The following ARHGAP10 variants were observed in gnomAD, a reference collection of about 807,000 sequenced individuals.
The protein encoded by ARHGAP10 is Rho GTPase activating protein 10, also known as rho GTPase-activating protein 10.
A neutral mutation model predicts 108.6 loss-of-function variants in ARHGAP10; 87 were observed. The observed-to-expected ratio is 0.80, with a 90% CI of 0.67 to 0.96. The LOEUF is 0.96. Ranked by LOEUF, ARHGAP10 falls within the 40% of genes least tolerant of loss-of-function variation. The pLI is 0.00. For synonymous variants in ARHGAP10, 347 were observed against 341.1 expected (o/e 1.02, Z -0.19); for missense variants, 939 against 954.5 (o/e 0.98, Z 0.21).
chr4:147,757,726 T>A (rs1729438570), intron 1 of ARHGAP10, among the ~76,000 whole-genome samples: 2 of 152,230 alleles, frequency 1.3e-5, no homozygotes. Context: ...ACTTAACCTG[T>A]TCTTCAGTCA....
intron 18 of ARHGAP10, among the ~76,000 whole-genome samples, chr4:148,016,692 T>TCC (rs1317199643): frequency 6.6e-6 from 1 of 152,118 alleles, no homozygotes. Context: ...ACCGTCTACC[T>TCC]GGAGGTAGTG....
intron 11 of ARHGAP10, among the ~76,000 whole-genome samples, chr4:147,907,479 T>G (rs1158771014): frequency 1.3e-5 from 2 of 152,152 alleles, no homozygotes; most frequent in Non-Finnish European, 2.9e-5. Flanking sequence ...CTGGAAAGCA[T>G]TTGCCAGTTC....
intron 1 of ARHGAP10, among the ~76,000 whole-genome samples, chr4:147,816,952 T>G (rs1004048431): frequency 1.3e-5 from 2 of 152,196 alleles, no homozygotes; most frequent in Non-Finnish European, 2.9e-5. Context: ...CGTGTTTTGA[T>G]GTGCAGAGTC....
intron 10 of ARHGAP10, among the ~76,000 whole-genome samples, chr4:147,887,927 C>T (rs1180144845): frequency 6.6e-6 from 1 of 151,662 alleles, no homozygotes; most frequent in East Asian, 1.9e-4. Context: ...CTACTGAGGC[C>T]TTTGCCCTTT....
chr4:147,966,884 G>T (rs139847871), intron 18 of ARHGAP10, 45 bp downstream of exon 18: 1 of 1,470,958 alleles, frequency 6.8e-7, no homozygotes, highest in African/African-American at 1.4e-5. Flanking sequence ...TCGGCTTGTC[G>T]CCATGTACTA....
intron 1 of ARHGAP10, among the ~76,000 whole-genome samples, chr4:147,770,421 A>C (rs1241382816): frequency 1.3e-5 from 2 of 152,150 alleles, no homozygotes; most frequent in Non-Finnish European, 2.9e-5. Flanking sequence ...GCTACTTGGG[A>C]GGCTGAGGCA....
intron 15 of ARHGAP10, among the ~76,000 whole-genome samples, chr4:147,952,826 C>T (rs1347054325): frequency 6.6e-6 from 1 of 151,934 alleles, no homozygotes; most frequent in Non-Finnish European, 1.5e-5. Flanking sequence ...AACCTTTGCA[C>T]TTATTCAGGG....
intron 19 of ARHGAP10, among the ~76,000 whole-genome samples, chr4:148,028,768 G>T (rs1256532584): frequency 6.6e-6 from 1 of 152,194 alleles, no homozygotes; most frequent in Non-Finnish European, 1.5e-5. Flanking sequence ...GTTGAAGTGG[G>T]CTTGAATTAG....
At chr4:147,795,126 A>G (rs192732545) in intron 1 of ARHGAP10, among the ~76,000 whole-genome samples, 2 of 152,232 alleles carry the variant, frequency 1.3e-5, no homozygotes, top group East Asian at 1.9e-4. Context: ...TGTGTCACCT[A>G]CGCTGGAGTG....
chr4:147,942,105 G>C (rs181550752), intron 14 of ARHGAP10, among the ~76,000 whole-genome samples: 2 of 152,290 alleles, frequency 1.3e-5, no homozygotes, highest in Admixed American at 6.5e-5. Context: ...GGAAAAAATT[G>C]TGTGGGTCTG....
chr4:147,989,483 A>T (rs1188304965), intron 18 of ARHGAP10, among the ~76,000 whole-genome samples: 1 of 152,130 alleles, frequency 6.6e-6, no homozygotes, highest in African/African-American at 2.4e-5. Context: ...TCTTGACCAT[A>T]AGAGACAGGT....
At chr4:147,822,005 C>G (rs1016370616) in intron 1 of ARHGAP10, among the ~76,000 whole-genome samples, 4 of 152,172 alleles carry the variant, frequency 2.6e-5, no homozygotes, top group Non-Finnish European at 4.4e-5. Context: ...CTTTATATAT[C>G]TCTTGAGAAT....
chr4:147,934,258 G>A (rs953164614), intron 13 of ARHGAP10, among the ~76,000 whole-genome samples: 2 of 152,240 alleles, frequency 1.3e-5, no homozygotes, highest in Non-Finnish European at 2.9e-5. Flanking sequence ...CCATTGTCAA[G>A]CTTGAATCTA....
chr4:148,001,219 G>A (rs1335817509), intron 18 of ARHGAP10, among the ~76,000 whole-genome samples: 3 of 152,148 alleles, frequency 2.0e-5, no homozygotes, highest in Non-Finnish European at 4.4e-5. Context: ...AAGATCATAC[G>A]GTTGTAGATG....
chr4:147,769,648 C>A (rs546356985), intron 1 of ARHGAP10, among the ~76,000 whole-genome samples: 7 of 152,174 alleles, frequency 4.6e-5, no homozygotes, highest in Non-Finnish European at 1.0e-4. Flanking sequence ...ACATTCTACT[C>A]ATTGTAACTT....
At chr4:147,759,651 A>C (rs888301974) in intron 1 of ARHGAP10, among the ~76,000 whole-genome samples, 15 of 151,812 alleles carry the variant, frequency 9.9e-5, no homozygotes, top group Non-Finnish European at 4.4e-5. Context: ...GCGTATCCAA[A>C]ATATTATTTC....
chr4:147,990,898 C>G (rs1038034499), intron 18 of ARHGAP10, among the ~76,000 whole-genome samples: 2 of 151,892 alleles, frequency 1.3e-5, no homozygotes, highest in East Asian at 3.9e-4. Context: ...TACCTGTGGT[C>G]CCAGCTACTT....
chr4:147,910,609 A>G (rs537116661), intron 12 of ARHGAP10, among the ~76,000 whole-genome samples: 1 of 152,216 alleles, frequency 6.6e-6, no homozygotes, highest in Admixed American at 6.5e-5. Context: ...ATATTCAAGG[A>G]CAACGATCTT....
chr4:147,911,936 G>C (rs1287650924), intron 12 of ARHGAP10, among the ~76,000 whole-genome samples: 6 of 28,946 alleles, frequency 2.1e-4, no homozygotes, highest in Non-Finnish European at 5.6e-4. Flanking sequence ...TTTCCTCCTA[G>C]GTTTTTTTTT....
Sources: allele counts gnomAD v4.1 joint callset (sites outside exome capture counted in the v4.1 genomes callset), GRCh38; gene constraint gnomAD v4.1.1; transcripts MANE v1.5; gene names NCBI Gene and HGNC (gene_info 2026-07-23, HGNC 2026-07-21).